Variants in HPCAL1 observed in about 807,000 individuals in gnomAD.
HPCAL1 encodes hippocalcin-like protein 1.
A neutral mutation model predicts 17.1 loss-of-function variants in HPCAL1; 8 were observed. That is an observed-to-expected ratio of 0.47 (90% CI 0.27 to 0.84). The LOEUF (loss-of-function observed/expected upper bound fraction) is 0.84. HPCAL1 is among the 40% of genes least tolerant of loss of function. The pLI is 0.13. For synonymous variants in HPCAL1, 112 were observed against 111.4 expected, an observed-to-expected ratio of 1.01 and a Z score of -0.03; for missense variants, 165 against 271.1, an observed-to-expected ratio of 0.61 and a Z score of 2.75.
chr2:10,335,882 A>G (rs1193832412), intron 1 of HPCAL1, among the ~76,000 whole-genome samples: 3 of 152,308 alleles, frequency 2.0e-5, no homozygotes, highest in Middle Eastern at 6.8e-3. Flanking sequence ...GAAGTTGGAC[A>G]TATTTTCGAT....
At chr2:10,392,300 C>T (rs1353235575) in intron 1 of HPCAL1, among the ~76,000 whole-genome samples, 1 of 152,008 alleles carries the variant, frequency 6.6e-6, no homozygotes, top group African/African-American at 2.4e-5. Context: ...CTTGGCCTCC[C>T]TTAGGGCTGG....
chr2:10,364,850 G>A (rs940594107), intron 1 of HPCAL1, among the ~76,000 whole-genome samples: 6 of 152,238 alleles, frequency 3.9e-5, no homozygotes, highest in Admixed American at 3.9e-4. Context: ...CTCCCAGAGT[G>A]CTGGGTTTAT....
chr2:10,424,393 G>A, intron 4 of HPCAL1: 1 of 431,602 alleles, frequency 2.3e-6, no homozygotes, highest in Non-Finnish European at 4.9e-6. Flanking sequence ...CCGCTCTCCT[G>A]AGGCTGTCCG....
Position 10,419,891 on chromosome 2 carries a change from T to G in HPCAL1, c.134T>G (p.Val45Gly). ...LKDCPTGHLT[V>G]DEFKKIYANF... Reference sequence around the variant, plus strand: ...GACTGCCCCACCGGCCACCTGACCGTGGACGAGTTCAAGAAGATCTACGCC... The same window carrying G: ...GACTGCCCCACCGGCCACCTGACCGGGGACGAGTTCAAGAAGATCTACGCC... Residue 45 changes from valine to glycine, a missense_variant, in exon 3 of 5, where the codon GTG (valine) becomes GGG (glycine). Coordinates refer to ENST00000307845, the MANE Select transcript of HPCAL1 (RefSeq NM_002149.4). The surrounding 1 kb of genome is among the most constrained non-coding windows in gnomAD (Gnocchi z 5.0). The G allele has an allele frequency of 6.2e-7, 1 of 1,613,854 alleles. No homozygotes were observed. The highest frequency in any genetic ancestry group is 8.5e-7 in the Non-Finnish European group (1 of 1,180,024).
At chr2:10,405,491 C>T (rs190930963) in intron 2 of HPCAL1, among the ~76,000 whole-genome samples, 16 of 152,364 alleles carry the variant, frequency 1.1e-4, no homozygotes, top group Admixed American at 2.6e-4. Flanking sequence ...CCCGTAGTCT[C>T]AGTTTTGCTC....
rs559455355 is a variant in HPCAL1 at position 10,367,443 on chromosome 2, C to T, written c.-110-29392C>T. ...CTGGGACTACAGGTGTGCGCCACCA[C>T]GCATGGCTAATTTTTTGTAGAGATG... On this transcript the variant is annotated intron_variant, in intron 1 of 4. Transcript: ENST00000307845. This position sits in a 1 kb window ranked among gnomAD's most constrained non-coding sequence, Gnocchi z 4.4. Among the ~76,000 whole-genome samples, 20 of 152,056 alleles carry T rather than the reference C, an allele frequency of 1.3e-4. No homozygotes were observed. The highest frequency in any genetic ancestry group is 3.4e-4 in the African/African-American group (14 of 41,468).
At chr2:10,416,626 C>T (rs1670690042) in intron 2 of HPCAL1, among the ~76,000 whole-genome samples, 1 of 152,126 alleles carries the variant, frequency 6.6e-6, no homozygotes, top group Non-Finnish European at 1.5e-5. Flanking sequence ...AAACCAAAAA[C>T]CTCAGTAGCA....
At position 10,426,781 on chromosome 2, in the gene HPCAL1, G is replaced by A. The variant is rs1671434836; in HGVS notation, c.542G>A (p.Arg181His). 4 of 1,613,358 alleles carry A rather than the reference G, an allele frequency of 2.5e-6. No homozygotes were observed. Among genetic ancestry groups the A allele is most frequent in the Non-Finnish European group, 2.5e-6 (3 of 1,179,980 alleles). The change falls in exon 5 of 5, where the codon CGC (arginine) becomes CAC (histidine). Residue 181 changes from arginine (R) to histidine (H), a missense_variant. Coordinates refer to ENST00000307845, the MANE Select transcript of HPCAL1 (RefSeq NM_002149.4). ...GCCAAGAGCGACCCCTCCATCGTCC[G>A]CCTGCTGCAGTGCGACCCCAGCAGT... ...RGAKSDPSIV[R>H]LLQCDPSSAS... is the part of the protein sequence containing the mutation.
In HPCAL1 at chr2:10,424,788, C is replaced by T. The variant is rs1389917524; in HGVS notation, c.484+1700C>T. The T allele has an allele frequency of 5.8e-5, 22 of 378,130 alleles. No individual in the cohort carries two copies. In the Admixed American group the frequency reaches 6.6e-4, roughly 11 times the overall value. 23.4% of individuals were successfully genotyped at this position (378,130 alleles called of 1,614,324 possible). On this transcript the variant is annotated intron_variant, in intron 4 of 4. Coordinates refer to ENST00000307845, the MANE Select transcript of HPCAL1 (RefSeq NM_002149.4). ...GCCAGAGTCAGTTCAGGGAGTGGTC[C>T]TCGGCCCTCAAAGCTCCTCCGGGGA...
At chr2:10,329,441 G>A (rs142530423) in intron 1 of HPCAL1, among the ~76,000 whole-genome samples, 19 of 152,264 alleles carry the variant, frequency 1.2e-4, no homozygotes, top group African/African-American at 4.3e-4. Flanking sequence ...GGAAGAAGAC[G>A]CAGAGATGAA....
chr2:10,390,787 T>G (rs1261772351), intron 1 of HPCAL1, among the ~76,000 whole-genome samples: 1 of 152,148 alleles, frequency 6.6e-6, no homozygotes, highest in African/African-American at 2.4e-5. Flanking sequence ...GGCCTGGGAC[T>G]GGGCCAAGAA....
chr2:10,387,337 C>T (rs1558507764), intron 1 of HPCAL1, among the ~76,000 whole-genome samples: 1 of 152,254 alleles, frequency 6.6e-6, no homozygotes, highest in African/African-American at 2.4e-5. Context: ...GGGTGACTGG[C>T]CGAGGGCCAT....
At chr2:10,370,842 G>T (rs1184685399) in intron 1 of HPCAL1, among the ~76,000 whole-genome samples, 1 of 152,218 alleles carries the variant, frequency 6.6e-6, no homozygotes, top group Non-Finnish European at 1.5e-5. Context: ...TTTTCTACCA[G>T]GTTTTGGCTA....
At chr2:10,334,339 A>G (rs1377545327) in intron 1 of HPCAL1, among the ~76,000 whole-genome samples, 1 of 151,714 alleles carries the variant, frequency 6.6e-6, no homozygotes, top group East Asian at 1.9e-4. Context: ...TTTTTAAACA[A>G]ACAAAAAAAC....
intron 1 of HPCAL1, among the ~76,000 whole-genome samples, chr2:10,387,338 C>T (rs925892255): frequency 3.3e-5 from 5 of 152,242 alleles, no homozygotes; most frequent in African/African-American, 4.8e-5. Context: ...GGTGACTGGC[C>T]GAGGGCCATG....
At chr2:10,385,777 C>T (rs1048438725) in intron 1 of HPCAL1, among the ~76,000 whole-genome samples, 15 of 152,190 alleles carry the variant, frequency 9.9e-5, no homozygotes, top group Non-Finnish European at 2.2e-4. Flanking sequence ...CCTTCATCTG[C>T]AGCCGAGCCC....
rs1261633337 is a variant in HPCAL1, at chr2:10,367,358, C to G, written c.-110-29477C>G. The stretch of plus-strand genomic sequence containing the variant: ...GGCTAGAGTGCGAGCTCGATCATAG[C>G]TCACTGCAACCTCAAACTCCCAGGC... On this transcript the variant is annotated intron_variant, in intron 1 of 4. Transcript: ENST00000307845. This position sits in a 1 kb window ranked among gnomAD's most constrained non-coding sequence, Gnocchi z 4.4. Among the ~76,000 whole-genome samples, 1 of 151,844 alleles carries G rather than the reference C, an allele frequency of 6.6e-6. No homozygotes were observed.
chr2:10,316,656 C>T (rs1663332614), intron 1 of HPCAL1, among the ~76,000 whole-genome samples: 1 of 152,142 alleles, frequency 6.6e-6, no homozygotes, highest in African/African-American at 2.4e-5. Context: ...GAAAAATTGG[C>T]TAATATGAAA....
chr2:10,308,956 T>C (rs1662790091), intron 1 of HPCAL1, among the ~76,000 whole-genome samples: 1 of 152,162 alleles, frequency 6.6e-6, no homozygotes, highest in African/African-American at 2.4e-5. Flanking sequence ...TAGTTCCAGC[T>C]ACTAGGGGGT....
Sources: gnomAD v4.1 joint callset for allele counts (sites outside exome capture counted in the v4.1 genomes callset) on GRCh38, gnomAD v4.1.1 for gene constraint, Gnocchi (gnomAD v3.1) non-coding constraint, MANE v1.5 for transcripts, NCBI Gene and HGNC (gene_info 2026-07-23, HGNC 2026-07-21) for gene names.